RANBP2: variants seen among roughly 807,000 people sequenced by gnomAD.
The protein encoded by RANBP2 is E3 SUMO-protein ligase RanBP2.
In RANBP2, 57 loss-of-function variants were observed where a neutral mutation model predicts 303.6. That is an observed-to-expected ratio of 0.19 (90% confidence interval 0.15 to 0.23). RANBP2 has a LOEUF of 0.23. Among genes scored for constraint, RANBP2 ranks in the 10% least tolerant of loss-of-function variants. The pLI, the probability that RANBP2 is intolerant of heterozygous loss-of-function variation, is 1.00. For missense variants in RANBP2, 3,138 were observed against 3,780.8 expected (o/e 0.83, Z 4.46); for synonymous variants, 1,167 against 1,301.5 (o/e 0.90, Z 2.23).
chr2:109,228,878 T>C, the RANBP2 span, among the ~76,000 whole-genome samples: 1 of 152,134 alleles, frequency 6.6e-6, no homozygotes, highest in African/African-American at 2.4e-5. Context: ...ACAGGCATGA[T>C]TGGTTATCAA....
chr2:109,311,549 A>G, the RANBP2 span, among the ~76,000 whole-genome samples: 3 of 152,114 alleles, frequency 2.0e-5, no homozygotes, highest in Non-Finnish European at 2.9e-5. Context: ...GAGGAAGTCA[A>G]ATTGTCCCTG....
At chr2:109,694,423 G>A in the RANBP2 span, among the ~76,000 whole-genome samples, 5 of 60,286 alleles carry the variant, frequency 8.3e-5, no homozygotes, top group South Asian at 2.3e-3. Flanking sequence ...TTTTTTTTTT[G>A]AGATGGAATC....
chr2:109,457,528 A>T, the RANBP2 span, among the ~76,000 whole-genome samples: 15 of 152,330 alleles, frequency 9.8e-5, no homozygotes, highest in Non-Finnish European at 1.6e-4. Flanking sequence ...ACTAATCAGG[A>T]TTACTGTGAA....
At chr2:109,568,475 G>A in the RANBP2 span, among the ~76,000 whole-genome samples, 9 of 150,422 alleles carry the variant, frequency 6.0e-5, no homozygotes, top group Admixed American at 2.7e-4. Context: ...GGGTTCAAGC[G>A]ATTCTCTTCC....
At chr2:109,440,704 G>A in the RANBP2 span, among the ~76,000 whole-genome samples, 4 of 152,184 alleles carry the variant, frequency 2.6e-5, no homozygotes, top group Non-Finnish European at 5.9e-5. Context: ...GAGCCCCGAG[G>A]ATGTGGAGAT....
At chr2:109,142,043 T>TGG in the RANBP2 span, among the ~76,000 whole-genome samples, 1,406 of 145,844 alleles carry the variant, frequency 9.6e-3, 13 homozygotes, top group Non-Finnish European at 0.01. Context: ...TTGAGTCTCC[T>TGG]GGGGGGGGGG....
At chr2:109,362,411 T>C in the RANBP2 span, among the ~76,000 whole-genome samples, 2 of 152,238 alleles carry the variant, frequency 1.3e-5, no homozygotes, top group Non-Finnish European at 2.9e-5. Flanking sequence ...TTTAATGCTA[T>C]TGTGGCCTGA....
intron 9 of RANBP2, among the ~76,000 whole-genome samples, chr2:108,750,132 C>T (rs560225823): frequency 6.2e-4 from 95 of 152,318 alleles, no homozygotes; most frequent in African/African-American, 2.2e-3. Context: ...GGCGACAGAG[C>T]GAGACTTCGT....
At chr2:109,363,059 T>A in the RANBP2 span, among the ~76,000 whole-genome samples, 1 of 152,192 alleles carries the variant, frequency 6.6e-6, no homozygotes, top group Non-Finnish European at 1.5e-5. Flanking sequence ...TTCAAAGTGA[T>A]GTGTGATAGA....
intron 27 of RANBP2, 53 bp from the exon 28 acceptor site, chr2:108,782,475 A>G (rs1281546575): frequency 3.1e-6 from 5 of 1,612,880 alleles, no homozygotes; most frequent in Non-Finnish European, 4.2e-6. Flanking sequence ...AAAACAACTT[A>G]TAACAGTTAT....
At chr2:109,137,866 C>T in the RANBP2 span, among the ~76,000 whole-genome samples, 1 of 152,256 alleles carries the variant, frequency 6.6e-6, no homozygotes, top group Non-Finnish European at 1.5e-5. Context: ...GATTACTAAA[C>T]ACTTGGAGTG....
At chr2:108,946,948 T>G in the RANBP2 span, among the ~76,000 whole-genome samples, 2 of 152,090 alleles carry the variant, frequency 1.3e-5, no homozygotes, top group African/African-American at 4.8e-5. Context: ...TCTCCCAAAG[T>G]CTTACTGACT....
chr2:108,848,793 A>G, the RANBP2 span, among the ~76,000 whole-genome samples: 2 of 152,220 alleles, frequency 1.3e-5, no homozygotes, highest in Non-Finnish European at 2.9e-5. Flanking sequence ...AAATCAAAAT[A>G]GGACAAAGGG....
At chr2:109,204,436 G>T in the RANBP2 span, among the ~76,000 whole-genome samples, 1 of 152,194 alleles carries the variant, frequency 6.6e-6, no homozygotes, top group Non-Finnish European at 1.5e-5. Flanking sequence ...AAAATCTGCT[G>T]TAGTTTTTGT....
At chr2:109,700,864 C>T in the RANBP2 span, among the ~76,000 whole-genome samples, 6 of 151,982 alleles carry the variant, frequency 3.9e-5, no homozygotes, top group Non-Finnish European at 8.8e-5. Flanking sequence ...GGTGACTTCT[C>T]CCCCGAAGGA....
the RANBP2 span, among the ~76,000 whole-genome samples, chr2:109,706,465 A>C: frequency 6.6e-6 from 1 of 151,826 alleles, no homozygotes; most frequent in Non-Finnish European, 1.5e-5. Context: ...CTACGTCCTT[A>C]CCTCCTTTAA....
chr2:108,899,814 C>T, the RANBP2 span, among the ~76,000 whole-genome samples: 14 of 151,944 alleles, frequency 9.2e-5, 2 homozygotes, highest in African/African-American at 2.7e-4. Context: ...GGTGAAACCC[C>T]GTCTCTACTA....
At chr2:109,555,470 C>T in the RANBP2 span, among the ~76,000 whole-genome samples, 4 of 152,178 alleles carry the variant, frequency 2.6e-5, no homozygotes, top group African/African-American at 9.7e-5. Flanking sequence ...CCCCCACTCT[C>T]CCCTGTTGCA....
chr2:109,203,822 G>GT, the RANBP2 span, among the ~76,000 whole-genome samples: 3 of 111,908 alleles, frequency 2.7e-5, no homozygotes, highest in Admixed American at 1.8e-4. Flanking sequence ...CGACTCTGAA[G>GT]CGTTTGCTCT....
Sources: gnomAD v4.1 joint callset for allele counts (sites outside exome capture counted in the v4.1 genomes callset) on GRCh38, gnomAD v4.1.1 for gene constraint, MANE v1.5 for transcripts, NCBI Gene and HGNC (gene_info 2026-07-23, HGNC 2026-07-21) for gene names.